NXPH1: variants seen among roughly 807,000 people sequenced by gnomAD.
NXPH1 encodes the protein neurexophilin-1.
Under a neutral mutation model 23.7 loss-of-function variants are expected in NXPH1, and 5 were observed. The ratio of observed to expected loss-of-function variants is 0.21; its 90% CI spans 0.11 to 0.44. The LOEUF is 0.44. Among genes scored for constraint, NXPH1 ranks in the 20% least tolerant of loss-of-function variants. NXPH1 has a pLI of 0.99. For missense variants in NXPH1, 324 were observed against 321.6 expected, an observed-to-expected ratio of 1.01 and a Z score of -0.06; for synonymous variants, 144 against 122.2, an observed-to-expected ratio of 1.18 and a Z score of -1.18.
chr7:8,604,035 A>G (rs1339444108), intron 2 of NXPH1, among the ~76,000 whole-genome samples: 3 of 152,080 alleles, frequency 2.0e-5, no homozygotes, highest in African/African-American at 7.2e-5. Context: ...TGTGTTAGCT[A>G]TGCGATATCA....
intron 2 of NXPH1, among the ~76,000 whole-genome samples, chr7:8,444,244 A>G (rs1816358053): frequency 6.6e-6 from 1 of 152,252 alleles, no homozygotes; most frequent in Non-Finnish European, 1.5e-5. Context: ...AACCCGTAGC[A>G]TAAGTTAGCT....
chr7:8,609,880 T>A (rs893653699), intron 2 of NXPH1, among the ~76,000 whole-genome samples: 7 of 152,192 alleles, frequency 4.6e-5, no homozygotes, highest in African/African-American at 1.7e-4. Context: ...AGCATTTTTG[T>A]TGTTAAAATA....
chr7:8,522,973 C>T (rs1817797878), intron 2 of NXPH1, among the ~76,000 whole-genome samples: 1 of 152,208 alleles, frequency 6.6e-6, no homozygotes, highest in Non-Finnish European at 1.5e-5. Context: ...CTGTCATATA[C>T]CAGCTGTGTA....
At chr7:8,498,038 C>G (rs1328045364) in intron 2 of NXPH1, among the ~76,000 whole-genome samples, 3 of 152,046 alleles carry the variant, frequency 2.0e-5, no homozygotes, top group African/African-American at 7.2e-5. Flanking sequence ...CTGAAGTTTC[C>G]TCCTCTGTAT....
intron 2 of NXPH1, among the ~76,000 whole-genome samples, chr7:8,718,313 A>G (rs190772315): frequency 1.2e-4 from 18 of 152,306 alleles, no homozygotes; most frequent in Admixed American, 1.0e-3. Context: ...CCGCAAACCA[A>G]TATTAATAAA....
intron 2 of NXPH1, among the ~76,000 whole-genome samples, chr7:8,634,496 C>T (rs1050693975): frequency 6.6e-6 from 1 of 152,052 alleles, no homozygotes; most frequent in Non-Finnish European, 1.5e-5. Flanking sequence ...TAGACTAATA[C>T]ACCTGGATAA....
At chr7:8,667,094 A>G (rs991317971) in intron 2 of NXPH1, among the ~76,000 whole-genome samples, 2 of 152,060 alleles carry the variant, frequency 1.3e-5, no homozygotes, top group African/African-American at 4.8e-5. Flanking sequence ...TACTCCACAT[A>G]TTCTAACATT....
chr7:8,696,109 T>A (rs1029038732), intron 2 of NXPH1, among the ~76,000 whole-genome samples: 35 of 152,246 alleles, frequency 2.3e-4, no homozygotes, highest in African/African-American at 7.7e-4. Flanking sequence ...TAAAATACTT[T>A]CACATAAAAC....
intron 2 of NXPH1, among the ~76,000 whole-genome samples, chr7:8,707,697 T>C (rs1270676039): frequency 6.6e-6 from 1 of 152,168 alleles, no homozygotes; most frequent in African/African-American, 2.4e-5. Context: ...ATTGGTCTAA[T>C]ATTCAAAGGC....
chr7:8,474,907 A>G (rs1447631368), intron 2 of NXPH1, among the ~76,000 whole-genome samples: 1 of 152,072 alleles, frequency 6.6e-6, no homozygotes, highest in Non-Finnish European at 1.5e-5. Context: ...TGGTTCTTCT[A>G]AGTACCTTCT....
At chr7:8,704,346 G>C (rs80287868) in intron 2 of NXPH1, among the ~76,000 whole-genome samples, 93 of 152,174 alleles carry the variant, frequency 6.1e-4, no homozygotes, top group African/African-American at 2.2e-3. Flanking sequence ...TATTCCATGT[G>C]TCTTGCACAA....
At chr7:8,438,757 C>T (rs1816242432) in intron 2 of NXPH1, among the ~76,000 whole-genome samples, 1 of 152,210 alleles carries the variant, frequency 6.6e-6, no homozygotes, top group Non-Finnish European at 1.5e-5. Context: ...CAGTTTCCTA[C>T]CTGTATTTGG....
chr7:8,609,253 A>G (rs539805371), intron 2 of NXPH1, among the ~76,000 whole-genome samples: 1 of 152,352 alleles, frequency 6.6e-6, no homozygotes, highest in East Asian at 1.9e-4. Flanking sequence ...AAGCAAATAA[A>G]AAACCCAAAA....
At chr7:8,695,138 T>C (rs1381166651) in intron 2 of NXPH1, among the ~76,000 whole-genome samples, 1 of 152,216 alleles carries the variant, frequency 6.6e-6, no homozygotes, top group East Asian at 1.9e-4. Context: ...AAATCTGGAA[T>C]TAGAATAGGG....
At chr7:8,638,423 T>G (rs1820253411) in intron 2 of NXPH1, among the ~76,000 whole-genome samples, 1 of 152,208 alleles carries the variant, frequency 6.6e-6, no homozygotes, top group African/African-American at 2.4e-5. Flanking sequence ...GTTTGCATAT[T>G]ACCACAGCTA....
intron 2 of NXPH1, among the ~76,000 whole-genome samples, chr7:8,582,837 G>T (rs974474597): frequency 6.6e-6 from 1 of 152,132 alleles, no homozygotes; most frequent in African/African-American, 2.4e-5. Flanking sequence ...CTTCACTAGG[G>T]ACCCACCCCT....
rs1780167722 is a variant in NXPH1 at position 8,732,140 on chromosome 7, A to T, written c.55-18868A>T. ...CTGTCACCCCTTTCTTTGACTAGGAAAGGGAACTCCCTGACCCCTTGCGCT... is the reference window on the plus strand; with the variant it reads ...CTGTCACCCCTTTCTTTGACTAGGATAGGGAACTCCCTGACCCCTTGCGCT... On this transcript the variant is annotated intron_variant, in intron 2 of 2. Transcript: ENST00000405863. Among the ~76,000 whole-genome samples, 4 of 152,214 alleles carry T rather than the reference A, an allele frequency of 2.6e-5. No individual in the cohort carries two copies. The South Asian group carries it at 8.3e-4, about 32-fold the overall frequency.
At position 8,435,664 on chromosome 7, in the gene NXPH1, G is replaced by C. The variant is rs1236295616; in HGVS notation, c.-50G>C. 1 of 1,551,416 alleles carries C rather than the reference G, an allele frequency of 6.4e-7. No homozygotes were observed. The highest frequency in any genetic ancestry group is 1.1e-5 in the South Asian group (1 of 89,900). On this transcript the variant is annotated 5_prime_UTR_variant, in exon 2 of 3. Transcript: ENST00000405863. This position sits in a 1 kb window ranked among gnomAD's most constrained non-coding sequence, Gnocchi z 5.9. ...GTCAGGTGGATCTATGTTTCTGAAG[G>C]AACAAAGACTCAAAGAAGGCACCGC...
chr7:8,654,881 C>A (rs1480228706), intron 2 of NXPH1, among the ~76,000 whole-genome samples: 1 of 152,038 alleles, frequency 6.6e-6, no homozygotes, highest in African/African-American at 2.4e-5. Flanking sequence ...TTGACAGATT[C>A]TTCCTGGGGG....
Sources: allele counts gnomAD v4.1 joint callset (sites outside exome capture counted in the v4.1 genomes callset), GRCh38; gene constraint gnomAD v4.1.1; non-coding constraint Gnocchi (gnomAD v3.1); transcripts MANE v1.5; gene names NCBI Gene and HGNC (gene_info 2026-07-23, HGNC 2026-07-21).